The following PTPRG variants were observed in gnomAD, a reference collection of about 807,000 sequenced individuals.
PTPRG encodes protein tyrosine phosphatase receptor type G.
In PTPRG, 102 loss-of-function variants were observed where a neutral mutation model predicts 165.3. The ratio of observed to expected loss-of-function variants is 0.62; its 90% confidence interval spans 0.53 to 0.73. The LOEUF (loss-of-function observed/expected upper bound fraction) is 0.73, where lower values mean the gene tolerates loss of function less well. PTPRG is among the 30% of genes least tolerant of loss of function. PTPRG has a pLI of 0.00. For missense variants in PTPRG, 1,866 were observed against 1,861.4 expected, an observed-to-expected ratio of 1.00 and a Z score of -0.05; for synonymous variants, 675 against 669.5, an observed-to-expected ratio of 1.01 and a Z score of -0.13.
chr3:62,086,278 A>ATTT (rs34119209), intron 5 of PTPRG, among the ~76,000 whole-genome samples: 4,148 of 148,214 alleles, frequency 0.028, 187 homozygotes, highest in African/African-American at 0.097. Flanking sequence ...TATGGTTTTA[A>ATTT]TTTTTTTTTT....
At chr3:61,883,055 C>T (rs1005145282) in intron 2 of PTPRG, among the ~76,000 whole-genome samples, 1 of 152,182 alleles carries the variant, frequency 6.6e-6, no homozygotes, top group Non-Finnish European at 1.5e-5. Flanking sequence ...GTGACATGCA[C>T]AGATGGTCAC....
chr3:62,163,026 G>A (rs1704829389), intron 7 of PTPRG, among the ~76,000 whole-genome samples: 1 of 152,172 alleles, frequency 6.6e-6, no homozygotes, highest in African/African-American at 2.4e-5. Flanking sequence ...AAGCAGGCAT[G>A]CATTACATGG....
intron 2 of PTPRG, among the ~76,000 whole-genome samples, chr3:61,968,784 T>TTGA (rs570397364): frequency 2.6e-5 from 4 of 152,296 alleles, no homozygotes; most frequent in African/African-American, 9.6e-5. Flanking sequence ...GAGGATGATC[T>TTGA]TGATGATATC....
intron 1 of PTPRG, among the ~76,000 whole-genome samples, chr3:61,740,274 A>G (rs897099929): frequency 1.3e-5 from 2 of 152,208 alleles, no homozygotes; most frequent in African/African-American, 4.8e-5. Flanking sequence ...ATGGCCTGAA[A>G]GAGTAGTCAT....
At chr3:62,159,162 CA>C (rs959082937) in intron 7 of PTPRG, among the ~76,000 whole-genome samples, 4 of 146,486 alleles carry the variant, frequency 2.7e-5, no homozygotes, top group Admixed American at 6.8e-5. Context: ...CCAATCTCTG[CA>C]AAAAAAAAAT....
At chr3:62,016,429 G>T (rs1270129957) in intron 4 of PTPRG, among the ~76,000 whole-genome samples, 1 of 152,074 alleles carries the variant, frequency 6.6e-6, no homozygotes, top group African/African-American at 2.4e-5. Context: ...GCCTCCCAAA[G>T]TGCCGGGATT....
chr3:61,862,935 GCCTCAAGTATAA>G lies in PTPRG; in HGVS notation c.190+113954_190+113965del, dbSNP rs565405727. On this transcript the variant is annotated intron_variant, in intron 2 of 29. Coordinates refer to ENST00000474889, the MANE Select transcript of PTPRG (RefSeq NM_002841.4). ...CATTTAACTTTGTGGGGTCTTAATT[GCCTCAAGTATAA>G]AAGCAAACGAGCAGATTTCAGTAGA... 7.5e-3 allele frequency among the ~76,000 whole-genome samples: 1,135 copies of G among 152,248 alleles called. 11 individuals carry two copies. Among genetic ancestry groups the G allele is most frequent in the African/African-American group, 0.026 (1,094 of 41,538 alleles).
intron 12 of PTPRG, among the ~76,000 whole-genome samples, chr3:62,205,429 T>C (rs573661929): frequency 6.6e-6 from 1 of 152,336 alleles, no homozygotes; most frequent in African/African-American, 2.4e-5. Flanking sequence ...CACAGACTTC[T>C]CTTCTCTTGG....
chr3:62,113,245 C>T (rs992008756), intron 5 of PTPRG, among the ~76,000 whole-genome samples: 1 of 152,092 alleles, frequency 6.6e-6, no homozygotes, highest in Admixed American at 6.5e-5. Context: ...GGGAATATGG[C>T]CTGTTCCTAT....
At chr3:62,107,200 T>A (rs914673778) in intron 5 of PTPRG, among the ~76,000 whole-genome samples, 1 of 152,248 alleles carries the variant, frequency 6.6e-6, no homozygotes, top group African/African-American at 2.4e-5. Context: ...ATCTTGTCAC[T>A]AGAATCAGAT....
intron 23 of PTPRG, 45 bp from the exon 24 acceptor site, chr3:62,275,828 C>T: frequency 7.1e-7 from 1 of 1,417,298 alleles, no homozygotes; most frequent in Non-Finnish European, 9.8e-7. Flanking sequence ...CAAATGCTAT[C>T]AATTATATCT....
chr3:61,653,131 A>G (rs1163347921), intron 1 of PTPRG, among the ~76,000 whole-genome samples: 1 of 152,200 alleles, frequency 6.6e-6, no homozygotes, highest in East Asian at 1.9e-4. Context: ...AAATCATCTC[A>G]CAATGTAGAG....
At chr3:61,807,842 T>C (rs545241797) in intron 2 of PTPRG, among the ~76,000 whole-genome samples, 3 of 152,340 alleles carry the variant, frequency 2.0e-5, no homozygotes, top group East Asian at 3.9e-4. Flanking sequence ...TTCCCTCTTG[T>C]TCCTGCAAAG....
In PTPRG at chr3:62,255,015, G is replaced by T; in HGVS notation, c.2468-109G>T. ...CTATTTTGTGTGATACAATTATTTT[G>T]CTCTTTGCAAAAATCAAGTATTTGT... On this transcript the variant is annotated intron_variant, in intron 15 of 29. Transcript: ENST00000474889. This position sits in a 1 kb window ranked among gnomAD's most constrained non-coding sequence, Gnocchi z 4.0. The T allele has an allele frequency of 1.2e-6, 1 of 828,894 alleles. No individual in the cohort carries two copies. Among genetic ancestry groups the T allele is most frequent in the Non-Finnish European group, 1.9e-6 (1 of 528,534 alleles). The allele number at this position is 828,894 out of a possible 1,614,324, so 51.3% of individuals were successfully genotyped here.
chr3:62,031,720 G>C (rs4688279), intron 4 of PTPRG, among the ~76,000 whole-genome samples: 55,765 of 151,954 alleles, frequency 0.37, 11,905 homozygotes, highest in East Asian at 0.58. Flanking sequence ...CAGGGGCTGG[G>C]TTAAGAAGTG....
intron 1 of PTPRG, among the ~76,000 whole-genome samples, chr3:61,697,397 C>G (rs984898461): frequency 1.3e-5 from 2 of 152,170 alleles, no homozygotes; most frequent in African/African-American, 2.4e-5. Flanking sequence ...CAGGGTCTCT[C>G]TGGAATTCCC....
intron 4 of PTPRG, among the ~76,000 whole-genome samples, chr3:62,054,782 G>C (rs1700581831): frequency 6.6e-6 from 1 of 152,196 alleles, no homozygotes; most frequent in African/African-American, 2.4e-5. Context: ...AAGCGTACGG[G>C]AGTATGTGAC....
chr3:62,021,862 T>TTC (rs2041701249), intron 4 of PTPRG, among the ~76,000 whole-genome samples: 1 of 147,492 alleles, frequency 6.8e-6, no homozygotes, highest in Non-Finnish European at 1.5e-5. Context: ...CTTTTCTTTT[T>TTC]TTTTTTTTTT....
rs999331076 is a variant in PTPRG, at chr3:62,256,943, TA to T, written c.2559+1732del. On this transcript the variant is annotated intron_variant, in intron 16 of 29. Transcript: ENST00000474889. ...CTGTCCTAAAAAAATATACTGCAGC[TA>T]AAAGCTTTAATCGCCTACATTGAAC... 1.2e-4 allele frequency among the ~76,000 whole-genome samples: 19 copies of T among 152,134 alleles called. 2 individuals are homozygous for T. Among genetic ancestry groups the T allele is most frequent in the Admixed American group, 1.2e-3 (19 of 15,276 alleles).
Sources: allele counts gnomAD v4.1 joint callset (sites outside exome capture counted in the v4.1 genomes callset), GRCh38; gene constraint gnomAD v4.1.1; non-coding constraint Gnocchi (gnomAD v3.1); transcripts MANE v1.5; gene names NCBI Gene and HGNC (gene_info 2026-07-23, HGNC 2026-07-21).